SGO1: variants seen among roughly 807,000 people sequenced by gnomAD.
The protein encoded by SGO1 is shugoshin 1.
SGO1 carries 39 observed loss-of-function variants against 50.5 expected under a neutral mutation model. The ratio of observed to expected loss-of-function variants is 0.77; its 90% CI spans 0.60 to 1.01. SGO1 has a LOEUF of 1.01. Ranked by LOEUF, SGO1 falls within the 50% of genes least tolerant of loss-of-function variation. The pLI is 0.00. For synonymous variants in SGO1, 191 were observed against 205.1 expected, an observed-to-expected ratio of 0.93 and a Z score of 0.59; for missense variants, 638 against 606.0, an observed-to-expected ratio of 1.05 and a Z score of -0.55.
intron 1 of SGO1, among the ~76,000 whole-genome samples, chr3:20,185,580 G>A (rs1483458075): frequency 3.3e-5 from 5 of 152,170 alleles, no homozygotes; most frequent in African/African-American, 9.7e-5. Context: ...AGACAGCCAG[G>A]TAGGATACTA....
At chr3:20,166,088 T>C (rs939905994), downstream of SGO1, among the ~76,000 whole-genome samples, 2 of 151,980 alleles carry the variant, frequency 1.3e-5, no homozygotes, top group East Asian at 1.9e-4. Context: ...ATCCTACCTA[T>C]GTATTAAAAA....
intron 1 of SGO1, among the ~76,000 whole-genome samples, chr3:20,184,364 T>C (rs1174918648): frequency 3.9e-5 from 6 of 152,200 alleles, no homozygotes; most frequent in Admixed American, 3.3e-4. Context: ...TGCTTATTAT[T>C]ATATTTTGAT....
intron 3 of SGO1, among the ~76,000 whole-genome samples, chr3:20,180,541 G>C (rs764024113): frequency 2.6e-5 from 4 of 152,146 alleles, no homozygotes; most frequent in Non-Finnish European, 4.4e-5. Context: ...TAAAGTTGTA[G>C]AGGAGGTGAG....
intron 3 of SGO1, among the ~76,000 whole-genome samples, chr3:20,178,629 A>G (rs1362347332): frequency 6.6e-6 from 1 of 152,260 alleles, no homozygotes; most frequent in African/African-American, 2.4e-5. Context: ...ATAGAGAGTA[A>G]CTCAGGTTGG....
At position 20,174,565 on chromosome 3, in the gene SGO1, T is replaced by G. The variant is rs767123661; in HGVS notation, c.966A>C (p.Gln322His). ...NKSENKKTVP[Q>H]KKMHKSVSSN... is the part of the protein sequence containing the mutation. The stretch of plus-strand genomic sequence containing the variant: ...AACTGACAGATTTGTGCATTTTTTT[T>G]TGGGGAACAGTTTTTTTATTTTCGC... Residue 322 changes from glutamine (Q) to histidine (H), a missense_variant, in exon 6 of 8, where the codon CAA (glutamine) becomes CAC (histidine). Gln to His is a conservative substitution (Grantham distance 24, BLOSUM62 0). Transcript: ENST00000412997. The G allele has an allele frequency of 5.6e-6, 9 of 1,606,382 alleles. No homozygotes were observed. The African/African-American group carries it at 1.2e-4, about 22-fold the overall frequency.
intron 3 of SGO1, among the ~76,000 whole-genome samples, chr3:20,182,834 C>T (rs934287370): frequency 2.2e-4 from 33 of 152,062 alleles, no homozygotes; most frequent in African/African-American, 7.7e-4. Flanking sequence ...CTGGCTAACA[C>T]GGTGAAACCC....
intron 3 of SGO1, among the ~76,000 whole-genome samples, chr3:20,180,858 G>A (rs1215732610): frequency 1.3e-5 from 2 of 152,162 alleles, no homozygotes; most frequent in Admixed American, 6.5e-5. Flanking sequence ...CAGGTGTGGC[G>A]GCTTCTGCCT....
Position 20,169,894 on chromosome 3 carries a change from G to A in SGO1, c.*810C>T. The A allele has an allele frequency of 1.0e-6, 1 of 982,662 alleles. No homozygotes were observed. 60.9% of individuals were successfully genotyped at this position (982,662 alleles called of 1,614,324 possible). A position where few individuals can be genotyped will look rare whatever the true frequency, so the allele number is the denominator to read the frequency against. On this transcript the variant is annotated 3_prime_UTR_variant, in exon 8 of 8. Transcript: ENST00000412997. Reference sequence around the variant, plus strand: ...ACTTAGGGTGTACCCTACTGTAAATGTCAAATATTTATTTTACTCGAATAC... The same window carrying A: ...ACTTAGGGTGTACCCTACTGTAAATATCAAATATTTATTTTACTCGAATAC...
chr3:20,176,368 G>A (rs1369305616), intron 5 of SGO1, among the ~76,000 whole-genome samples: 1 of 152,132 alleles, frequency 6.6e-6, no homozygotes, highest in Non-Finnish European at 1.5e-5. Context: ...GTAGCAATCA[G>A]TAAATTGCTG....
At chr3:20,180,406 T>C (rs1028017007) in intron 3 of SGO1, among the ~76,000 whole-genome samples, 4 of 152,172 alleles carry the variant, frequency 2.6e-5, no homozygotes, top group Admixed American at 1.3e-4. Flanking sequence ...TAAAGAAATA[T>C]GAGACCAGGA....
intron 5 of SGO1, among the ~76,000 whole-genome samples, chr3:20,175,896 G>A (rs1225385260): frequency 1.3e-5 from 2 of 152,112 alleles, no homozygotes; most frequent in Admixed American, 6.5e-5. Context: ...AAGTAGAACC[G>A]CATATTCCAA....
intron 3 of SGO1, among the ~76,000 whole-genome samples, chr3:20,182,279 TCTC>T (rs1169679908): frequency 2.0e-5 from 3 of 152,068 alleles, no homozygotes; most frequent in East Asian, 1.9e-4. Flanking sequence ...TTCACTGACT[TCTC>T]CTGTCAATGG....
chr3:20,161,277 G>C, intron 8 of SGO1: 1 of 1,435,678 alleles, frequency 7.0e-7, no homozygotes, highest in Non-Finnish European at 9.2e-7. Context: ...CTACAACCTA[G>C]TCCACAGATT....
chr3:20,186,542 C>T (rs1702687817), upstream of SGO1: 1 of 152,248 alleles, frequency 6.6e-6, no homozygotes, highest in Admixed American at 6.5e-5. Flanking sequence ...TCAAAGCCTC[C>T]CTCTTGTGAG....
chr3:20,172,941 A>T (rs1389085352), intron 6 of SGO1, among the ~76,000 whole-genome samples: 3 of 152,086 alleles, frequency 2.0e-5, no homozygotes, highest in African/African-American at 7.2e-5. Flanking sequence ...CCTCCAGCCG[A>T]GGTGATAGAG....
In SGO1 at chr3:20,169,625, A is replaced by C. The variant is rs150095459; in HGVS notation, c.*1079T>G. 195 of 984,524 alleles carry C rather than the reference A, an allele frequency of 2.0e-4. No individual in the cohort carries two copies. The African/African-American group carries it at 3.2e-3, about 16-fold the overall frequency. 61.0% of individuals were successfully genotyped at this position (984,524 alleles called of 1,614,324 possible). A position where few individuals can be genotyped will look rare whatever the true frequency, so the allele number is the denominator to read the frequency against. ...ATTGGTTGGTCAAAAATATGCAAAA[A>C]CCCTAAATATTCACACATTTAATCT... is the stretch of plus-strand genomic sequence containing the variant. On this transcript the variant is annotated 3_prime_UTR_variant, in exon 8 of 8. Transcript: ENST00000412997.
Position 20,176,620 on chromosome 3 carries a change from T to C in SGO1, c.456A>G (p.Gly152=). Residue 152 remains glycine, a synonymous_variant, in exon 5 of 8, where the codon GGA becomes GGG. Transcript: ENST00000412997. ...AATTACCTTCTATTTGAAATGATTC[T>C]CCTTGTCCTGGAAGTTCAGTTTCTT... ...PLEETELPGQ[G]ESFQIEDQIP... 1.3e-6 allele frequency: 2 copies of C among 1,568,518 alleles called. No individual in the cohort carries two copies. The highest frequency in any genetic ancestry group is 1.7e-6 in the Non-Finnish European group (2 of 1,163,344).
At chr3:20,179,222 G>A (rs1701739674) in intron 3 of SGO1, among the ~76,000 whole-genome samples, 1 of 152,170 alleles carries the variant, frequency 6.6e-6, no homozygotes, top group Non-Finnish European at 1.5e-5. Context: ...CAGCATCTGT[G>A]GGGGAGACAA....
chr3:20,170,690 A>G lies in SGO1; in HGVS notation c.*14T>C, dbSNP rs1430863257. The G allele has an allele frequency of 6.4e-7, 1 of 1,562,162 alleles. No homozygotes were observed. Among genetic ancestry groups the G allele is most frequent in the Non-Finnish European group, 8.6e-7 (1 of 1,162,140 alleles). On this transcript the variant is annotated 3_prime_UTR_variant, in exon 8 of 8. Transcript: ENST00000412997. Reference sequence around the variant, plus strand: ...GAGGTGTAGATTGAATTTAAACAATATCCAACAAAACCTTCATTGTATTTG... The same window carrying G: ...GAGGTGTAGATTGAATTTAAACAATGTCCAACAAAACCTTCATTGTATTTG...
Sources: gnomAD v4.1 joint callset for allele counts (sites outside exome capture counted in the v4.1 genomes callset) on GRCh38, gnomAD v4.1.1 for gene constraint, MANE v1.5 for transcripts, NCBI Gene and HGNC (gene_info 2026-07-23, HGNC 2026-07-21) for gene names.